Variants in POMT2 observed in about 807,000 individuals in gnomAD.
The protein encoded by POMT2 is protein O-mannosyltransferase 2.
In POMT2, 75 loss-of-function variants were observed where a neutral mutation model predicts 100.0. The observed-to-expected ratio is 0.75, with a 90% CI of 0.62 to 0.91. POMT2 has a LOEUF of 0.91. POMT2 is among the 40% of genes least tolerant of loss of function. The pLI is 0.00. For missense variants in POMT2, 940 were observed against 955.1 expected, an observed-to-expected ratio of 0.98 and a Z score of 0.21; for synonymous variants, 378 against 374.1, an observed-to-expected ratio of 1.01 and a Z score of -0.12.
At chr14:77,303,065 G>A in intron 4 of POMT2, 122 bp from the exon 5 acceptor site, 1 of 768,866 alleles carries the variant, frequency 1.3e-6, no homozygotes, top group Non-Finnish European at 2.3e-6. Context: ...CACTTGTGCA[G>A]TCAGGACTAG....
intron 2 of POMT2, among the ~76,000 whole-genome samples, chr14:77,311,355 A>G (rs1891429896): frequency 6.6e-6 from 1 of 152,258 alleles, no homozygotes; most frequent in South Asian, 2.1e-4. Flanking sequence ...TTCACATAAC[A>G]TAACATCCAC....
Position 77,277,336 on chromosome 14 carries a change from G to C in POMT2, c.*40C>G, listed in dbSNP as rs745670549. 3.9e-6 allele frequency: 6 copies of C among 1,533,672 alleles called. No homozygotes were observed. The South Asian group carries it at 6.7e-5, about 17-fold the overall frequency. ...GTACTGCTTCCCAGCTGGCTCTCCTGGGAAGTTCCTGGACCCAGGCTGGAA... is the reference window on the plus strand; with the variant it reads ...GTACTGCTTCCCAGCTGGCTCTCCTCGGAAGTTCCTGGACCCAGGCTGGAA... On this transcript the variant is annotated 3_prime_UTR_variant, in exon 21 of 21. Coordinates refer to ENST00000261534, the MANE Select transcript of POMT2 (RefSeq NM_013382.7).
At chr14:77,320,156 A>G (rs1422138328) in intron 1 of POMT2, among the ~76,000 whole-genome samples, 1 of 152,206 alleles carries the variant, frequency 6.6e-6, no homozygotes, top group Non-Finnish European at 1.5e-5. Flanking sequence ...TTTAAAAGCC[A>G]CAATTTGCAA....
chr14:77,283,847 G>A lies in POMT2; in HGVS notation c.1603C>T (p.Gln535Ter). The part of the protein sequence containing the change: ...KLPNISLDVL[Q>*]PSFPEILLES... ...AGCAAGATCTCAGGAAAACTGGGCTGTAGCACATCCAGGCTGATGTTTGGC... is the reference window on the plus strand; with the variant it reads ...AGCAAGATCTCAGGAAAACTGGGCTATAGCACATCCAGGCTGATGTTTGGC... The change falls in exon 15 of 21, where the codon CAG becomes TAG. Residue 535 changes from glutamine (Q) to a stop codon, truncating the protein, a stop_gained. Coordinates refer to ENST00000261534, the MANE Select transcript of POMT2 (RefSeq NM_013382.7). LOFTEE classifies it high-confidence loss of function. 1 of 1,613,060 alleles carries A rather than the reference G, an allele frequency of 6.2e-7. No individual in the cohort carries two copies. The highest frequency in any genetic ancestry group is 8.5e-7 in the Non-Finnish European group (1 of 1,179,002).
chr14:77,318,511 A>G (rs1159361691), intron 1 of POMT2, among the ~76,000 whole-genome samples: 1 of 152,100 alleles, frequency 6.6e-6, no homozygotes, highest in African/African-American at 2.4e-5. Context: ...TTCTCCTGAG[A>G]TCCTAAGGGC....
rs79576990 is a variant in POMT2 at position 77,306,958 on chromosome 14, A to G, written c.334-517T>C. ...AAGACAGATGCTTTGCCCAGAGGGG[A>G]AGAGAAAAACTGCCAAAGGCCAGAG... On this transcript the variant is annotated intron_variant, in intron 2 of 20. Coordinates refer to ENST00000261534, the MANE Select transcript of POMT2 (RefSeq NM_013382.7). 3.0e-3 allele frequency: 506 copies of G among 170,410 alleles called. 20 individuals carry two copies. In the East Asian group the frequency reaches 0.07, roughly 23 times the overall value. The allele number at this position is 170,410 out of a possible 1,614,324, so 10.6% of individuals were successfully genotyped here. A position where few individuals can be genotyped will look rare whatever the true frequency, so the allele number is the denominator to read the frequency against.
At position 77,279,925 on chromosome 14, in the gene POMT2, C is replaced by T. The variant is rs749329895; in HGVS notation, c.1789G>A (p.Val597Ile). 3 of 1,614,050 alleles carry T rather than the reference C, an allele frequency of 1.9e-6. No homozygotes were observed. The highest frequency in any genetic ancestry group is 2.5e-6 in the Non-Finnish European group (3 of 1,180,032). Reference protein sequence around the residue: ...FRVYLLGNPVVWWLNLLSIAL... With the variant: ...FRVYLLGNPVIWWLNLLSIAL... ...ATGCTCAACAGATTCAGCCACCAAA[C>T]CACCTGTGCAGAAATGGGAATGGGC... The change falls in exon 18 of 21, where the codon GTT becomes ATT. Residue 597 changes from valine to isoleucine, a missense_variant. Coordinates refer to ENST00000261534, the MANE Select transcript of POMT2 (RefSeq NM_013382.7).
intron 3 of POMT2, 61 bp downstream of exon 3, chr14:77,306,276 C>T (rs371182324): frequency 1.9e-6 from 3 of 1,602,336 alleles, no homozygotes; most frequent in Non-Finnish European, 2.6e-6. Context: ...CTAACTATAA[C>T]ATTTCTGGTT....
rs371972635 is a variant in POMT2 at position 77,306,964 on chromosome 14, A to G, written c.334-523T>C. On this transcript the variant is annotated intron_variant, in intron 2 of 20. Transcript: ENST00000261534. ...GATGCTTTGCCCAGAGGGGAAGAGA[A>G]AAACTGCCAAAGGCCAGAGGCTGGT... 303 of 170,132 alleles carry G rather than the reference A, an allele frequency of 1.8e-3. 1 individual carries two copies. Among genetic ancestry groups the G allele is most frequent in the Admixed American group, 2.9e-3 (53 of 17,976 alleles). The allele number at this position is 170,132 out of a possible 1,614,324, so 10.5% of individuals were successfully genotyped here. A position where few individuals can be genotyped will look rare whatever the true frequency, so the allele number is the denominator to read the frequency against.
intron 13 of POMT2, 104 bp from the exon 14 acceptor site, chr14:77,285,145 C>A: frequency 1.0e-6 from 1 of 1,003,710 alleles, no homozygotes; most frequent in Non-Finnish European, 1.5e-6. Flanking sequence ...CTCTTTTCCA[C>A]ATGGTGGCCA....
At chr14:77,291,755 G>A (rs1280649557) in intron 9 of POMT2, among the ~76,000 whole-genome samples, 1 of 152,164 alleles carries the variant, frequency 6.6e-6, no homozygotes, top group African/African-American at 2.4e-5. Context: ...AATTAAGGCC[G>A]GGTGTGGTGG....
chr14:77,304,617 T>G (rs1464064928), intron 4 of POMT2, 75 bp downstream of exon 4: 6 of 1,541,602 alleles, frequency 3.9e-6, no homozygotes, highest in Non-Finnish European at 5.3e-6. Context: ...GGCCCTTGAA[T>G]GTACTGATTT....
chr14:77,296,115 C>T (rs1421379790), intron 9 of POMT2, 49 bp downstream of exon 9: 1 of 1,395,514 alleles, frequency 7.2e-7, no homozygotes, highest in Admixed American at 2.0e-5. Context: ...AGTGAACTGT[C>T]ATGGCGAACA....
At chr14:77,287,627 T>C (rs4903567) in intron 11 of POMT2, 77,567 of 150,706 alleles carry the variant, frequency 0.51, 20,333 homozygotes, top group Non-Finnish European at 0.55. Flanking sequence ...CTATGAAATG[T>C]TTACGGGGCT....
At position 77,283,804 on chromosome 14, in the gene POMT2, A is replaced by G; in HGVS notation, c.1646T>C (p.Met549Thr). The G allele has an allele frequency of 1.2e-6, 2 of 1,608,958 alleles. No homozygotes were observed. The highest frequency in any genetic ancestry group is 1.7e-6 in the Non-Finnish European group (2 of 1,175,292). ...TGAGAAGGGGACACATACCCGGATC[A>G]TGACCATGTGGGATTCCAGCAAGAT... ...PEILLESHMV[M>T]IRGNSGLKPK... Residue 549 changes from methionine (M) to threonine (T), a missense_variant, in exon 15 of 21, where the codon ATG becomes ACG. Met to Thr is a moderately conservative substitution (Grantham distance 81). Coordinates refer to ENST00000261534, the MANE Select transcript of POMT2 (RefSeq NM_013382.7).
At chr14:77,279,673 G>A (rs1296625533) in intron 18 of POMT2, 150 bp downstream of exon 18, 4 of 786,408 alleles carry the variant, frequency 5.1e-6, no homozygotes, top group Non-Finnish European at 8.6e-6. Flanking sequence ...TGGGTACTTG[G>A]GGGTTGTTAC....
chr14:77,300,527 T>C (rs1229944439), intron 6 of POMT2: 1 of 160,596 alleles, frequency 6.2e-6, no homozygotes, highest in Non-Finnish European at 1.4e-5. Flanking sequence ...GAAATGAAAA[T>C]TGTGAGTTCA....
chr14:77,283,721 G>A, intron 15 of POMT2, 76 bp downstream of exon 15: 1 of 1,231,820 alleles, frequency 8.1e-7, no homozygotes, highest in Non-Finnish European at 1.2e-6. Context: ...CTGTAGCATG[G>A]CATTGACTTG....
At chr14:77,279,182 T>C in intron 18 of POMT2, 1 of 454,850 alleles carries the variant, frequency 2.2e-6, no homozygotes, top group Non-Finnish European at 4.1e-6. Context: ...CCCACATCTT[T>C]GCTGCCACAC....
Sources: gnomAD v4.1 joint callset for allele counts (sites outside exome capture counted in the v4.1 genomes callset) on GRCh38, gnomAD v4.1.1 for gene constraint, MANE v1.5 for transcripts, NCBI Gene and HGNC (gene_info 2026-07-23, HGNC 2026-07-21) for gene names.